ADAMTSL3: variants seen among roughly 807,000 people sequenced by gnomAD.
ADAMTSL3 encodes the protein ADAMTS like 3.
Under a neutral mutation model 201.7 loss-of-function variants are expected in ADAMTSL3, and 128 were observed. The ratio of observed to expected loss-of-function variants is 0.63; its 90% CI spans 0.55 to 0.73. The LOEUF (loss-of-function observed/expected upper bound fraction) is 0.73. Among genes scored for constraint, ADAMTSL3 ranks in the 30% least tolerant of loss-of-function variants. ADAMTSL3 has a pLI of 0.00. For synonymous variants in ADAMTSL3, 738 were observed against 748.4 expected (o/e 0.99, Z 0.23); for missense variants, 1,990 against 2,119.6 (o/e 0.94, Z 1.20).
At chr15:83,926,072 A>G (rs1276334364) in intron 17 of ADAMTSL3, among the ~76,000 whole-genome samples, 1 of 152,198 alleles carries the variant, frequency 6.6e-6, no homozygotes, top group African/African-American at 2.4e-5. Flanking sequence ...AAGAGCACGA[A>G]TACTATGAGG....
intron 4 of ADAMTSL3, among the ~76,000 whole-genome samples, chr15:83,801,579 T>C (rs1194604121): frequency 1.4e-5 from 2 of 144,440 alleles, no homozygotes; most frequent in Non-Finnish European, 3.0e-5. Flanking sequence ...TGTGGAGGAA[T>C]ATCTGTAGAA....
chr15:83,891,796 T>A (rs572477585), intron 12 of ADAMTSL3, among the ~76,000 whole-genome samples: 2 of 152,236 alleles, frequency 1.3e-5, no homozygotes, highest in Non-Finnish European at 2.9e-5. Context: ...TATGTTTTAA[T>A]TGATTTAATT....
intron 6 of ADAMTSL3, chr15:83,824,913 A>T (rs774045111): frequency 4.6e-5 from 7 of 152,234 alleles, no homozygotes; most frequent in Non-Finnish European, 7.3e-5. Context: ...CGCAGGGGCC[A>T]TGCTAATCAT....
intron 19 of ADAMTSL3, among the ~76,000 whole-genome samples, chr15:83,960,185 A>C (rs1201233641): frequency 6.6e-6 from 1 of 152,194 alleles, no homozygotes; most frequent in Admixed American, 6.5e-5. Context: ...TTTCTGTTAA[A>C]AGATGTCACT....
rs990189372 is a variant in ADAMTSL3, at chr15:83,669,714, C to T, written c.69+13884C>T. Among the ~76,000 whole-genome samples, 155 of 151,354 alleles carry T rather than the reference C, an allele frequency of 1.0e-3. 2 individuals carry two copies. Among genetic ancestry groups the T allele is most frequent in the Admixed American group, 1.8e-3 (28 of 15,210 alleles). On this transcript the variant is annotated intron_variant, in intron 2 of 29. Coordinates refer to ENST00000286744, the MANE Select transcript of ADAMTSL3 (RefSeq NM_207517.3). ...CAATCTCCTGACGTCGTGATCTGTC[C>T]GCCTCGGCCTCCCAAAGTGCTGGGA...
At chr15:83,866,775 G>T (rs1210177519) in intron 8 of ADAMTSL3, among the ~76,000 whole-genome samples, 1 of 151,950 alleles carries the variant, frequency 6.6e-6, no homozygotes, top group Non-Finnish European at 1.5e-5. Flanking sequence ...AAAAGAATAA[G>T]TAAAGGTGAA....
chr15:83,747,118 G>A (rs547549477), intron 3 of ADAMTSL3, among the ~76,000 whole-genome samples: 60 of 152,246 alleles, frequency 3.9e-4, no homozygotes, highest in African/African-American at 1.4e-3. Context: ...AGGCTGCCCA[G>A]ATGATATGGT....
At chr15:84,018,627 A>G (rs1263492811) in intron 25 of ADAMTSL3, among the ~76,000 whole-genome samples, 1 of 152,188 alleles carries the variant, frequency 6.6e-6, no homozygotes, top group African/African-American at 2.4e-5. Flanking sequence ...AATTGGAATA[A>G]GGTTAATGTG....
chr15:83,873,494 T>C (rs777447457), intron 9 of ADAMTSL3, among the ~76,000 whole-genome samples: 1 of 144,286 alleles, frequency 6.9e-6, no homozygotes, highest in Non-Finnish European at 1.5e-5. Flanking sequence ...TCCTCTGGCC[T>C]CAGCCTCCCA....
At position 83,855,590 on chromosome 15, in the gene ADAMTSL3, C is replaced by T. The variant is rs141406575; in HGVS notation, c.728-3176C>T. On this transcript the variant is annotated intron_variant, in intron 7 of 29. Coordinates refer to ENST00000286744, the MANE Select transcript of ADAMTSL3 (RefSeq NM_207517.3). ...AGGCTGCTGGTTTGCACTATGATTACGGGCTGTTGTTTTCAAGGTTACCAT... is the reference window on the plus strand; with the variant it reads ...AGGCTGCTGGTTTGCACTATGATTATGGGCTGTTGTTTTCAAGGTTACCAT... Among the ~76,000 whole-genome samples, 34 of 152,180 alleles carry T rather than the reference C, an allele frequency of 2.2e-4. No homozygotes were observed. In the Middle Eastern group the frequency reaches 0.014, roughly 61 times the overall value.
Position 84,015,198 on chromosome 15 carries a change from C to A in ADAMTSL3, c.4156+474C>A, listed in dbSNP as rs111509236. 3.0e-3 allele frequency among the ~76,000 whole-genome samples: 463 copies of A among 152,284 alleles called. 6 individuals carry two copies. The highest frequency in any genetic ancestry group is 0.011 in the African/African-American group (443 of 41,542). ...TGACCTCGTGATCTGCCCGCCTTGG[C>A]CTCCCAAAGTGCTGGGGTTACAGGC... On this transcript the variant is annotated intron_variant, in intron 24 of 29. Transcript: ENST00000286744.
chr15:83,722,786 A>T (rs1289390987), intron 3 of ADAMTSL3, among the ~76,000 whole-genome samples: 1 of 152,120 alleles, frequency 6.6e-6, no homozygotes, highest in East Asian at 1.9e-4. Flanking sequence ...TAATATATTC[A>T]GTAAGTGATA....
chr15:83,676,398 G>T (rs1485095263), intron 2 of ADAMTSL3, among the ~76,000 whole-genome samples: 1 of 151,980 alleles, frequency 6.6e-6, no homozygotes, highest in Non-Finnish European at 1.5e-5. Context: ...TTACCCTTTG[G>T]CCAGGCGTGG....
chr15:83,756,432 C>T (rs1449825214), intron 3 of ADAMTSL3, among the ~76,000 whole-genome samples: 1 of 152,092 alleles, frequency 6.6e-6, no homozygotes, highest in East Asian at 1.9e-4. Context: ...TTTATAAAAC[C>T]ATCAGATGTT....
intron 3 of ADAMTSL3, among the ~76,000 whole-genome samples, chr15:83,763,797 A>G (rs1005276750): frequency 8.5e-5 from 13 of 152,272 alleles, no homozygotes; most frequent in South Asian, 2.1e-4. Flanking sequence ...GAGCCACCGC[A>G]CCCGGCCTAA....
At chr15:83,870,999 C>T (rs1243288305) in intron 9 of ADAMTSL3, 40 bp downstream of exon 9, 5 of 1,589,946 alleles carry the variant, frequency 3.1e-6, no homozygotes, top group Non-Finnish European at 4.3e-6. Context: ...TACCTGAATC[C>T]CAGAACATCT....
chr15:83,667,392 G>A (rs1424107498), intron 2 of ADAMTSL3, among the ~76,000 whole-genome samples: 2 of 152,086 alleles, frequency 1.3e-5, no homozygotes, highest in Non-Finnish European at 2.9e-5. Flanking sequence ...ATGGCATATG[G>A]TATAATGGAG....
intron 2 of ADAMTSL3, among the ~76,000 whole-genome samples, chr15:83,665,341 A>G (rs76464600): frequency 0.045 from 6,848 of 152,186 alleles, 503 homozygotes; most frequent in African/African-American, 0.15. Context: ...TTGGGGGACT[A>G]CATGGAGTCT....
At chr15:83,853,798 T>G (rs907178191) in intron 7 of ADAMTSL3, among the ~76,000 whole-genome samples, 2 of 152,118 alleles carry the variant, frequency 1.3e-5, no homozygotes, top group South Asian at 4.1e-4. Context: ...TTTTCAAGCA[T>G]ACATAAAAGT....
Sources: gnomAD v4.1 joint callset for allele counts (sites outside exome capture counted in the v4.1 genomes callset) on GRCh38, gnomAD v4.1.1 for gene constraint, MANE v1.5 for transcripts, NCBI Gene and HGNC (gene_info 2026-07-23, HGNC 2026-07-21) for gene names.